Variants in RERE observed in about 807,000 individuals in gnomAD.
The protein encoded by RERE is arginine-glutamic acid dipeptide repeats, also known as arginine-glutamic acid dipeptide repeats protein.
In RERE, 40 loss-of-function variants were observed where a neutral mutation model predicts 146.1. The ratio of observed to expected loss-of-function variants is 0.27; its 90% CI spans 0.21 to 0.36. The LOEUF (loss-of-function observed/expected upper bound fraction) is 0.36. Among genes scored for constraint, RERE ranks in the 10% least tolerant of loss-of-function variants. The probability of loss-of-function intolerance (pLI) is 1.00; values close to 1 mark genes in which losing one functional copy is unlikely to be tolerated. For missense variants in RERE, 1,933 were observed against 2,138.7 expected, an observed-to-expected ratio of 0.90 and a Z score of 1.90; for synonymous variants, 1,003 against 866.0, an observed-to-expected ratio of 1.16 and a Z score of -2.78.
intron 1 of RERE, among the ~76,000 whole-genome samples, chr1:8,700,083 G>A (rs1639414778): frequency 6.6e-6 from 1 of 152,116 alleles, no homozygotes; most frequent in Non-Finnish European, 1.5e-5. Flanking sequence ...GAGGCGAGTG[G>A]ATCACAAGGT....
intron 12 of RERE, among the ~76,000 whole-genome samples, chr1:8,386,251 AAAAAAATT>A (rs1279605156): frequency 2.6e-5 from 4 of 151,192 alleles, no homozygotes; most frequent in African/African-American, 9.7e-5. Context: ...GACCAAAAAT[AAAAAAATT>A]AAAAAATTAC....
intron 7 of RERE, among the ~76,000 whole-genome samples, chr1:8,520,769 A>C (rs867965988): frequency 2.0e-5 from 3 of 150,640 alleles, no homozygotes; most frequent in African/African-American, 7.3e-5. Flanking sequence ...AAAAAAAAAA[A>C]AAAAAAACCA....
intron 10 of RERE, among the ~76,000 whole-genome samples, chr1:8,476,277 T>C (rs897499633): frequency 1.1e-4 from 16 of 152,308 alleles, no homozygotes; most frequent in African/African-American, 3.8e-4. Flanking sequence ...GCCACTTCCC[T>C]AGCAAGTAGC....
At chr1:8,560,261 G>A (rs1646061972) in intron 4 of RERE, among the ~76,000 whole-genome samples, 1 of 152,102 alleles carries the variant, frequency 6.6e-6, no homozygotes, top group Admixed American at 6.5e-5. Flanking sequence ...AGATGCTTAT[G>A]ACATCCCCGG....
intron 1 of RERE, among the ~76,000 whole-genome samples, chr1:8,734,413 C>T (rs1640152813): frequency 6.6e-6 from 1 of 152,162 alleles, no homozygotes; most frequent in Middle Eastern, 3.2e-3. Flanking sequence ...CTGAGAGTTT[C>T]ACTTTATTGC....
At chr1:8,498,732 TACACACACAC>T (rs1553175300) in intron 8 of RERE, among the ~76,000 whole-genome samples, 10 of 107,832 alleles carry the variant, frequency 9.3e-5, no homozygotes, top group South Asian at 6.5e-4. Context: ...AATAAATATA[TACACACACAC>T]ACACACACAC....
intron 8 of RERE, among the ~76,000 whole-genome samples, chr1:8,502,889 G>GCGTGCT (rs897977178): frequency 4.6e-5 from 7 of 150,960 alleles, no homozygotes; most frequent in Middle Eastern, 6.8e-3. Context: ...CTTGAAGGCA[G>GCGTGCT]CGTGCTCGTT....
intron 7 of RERE, among the ~76,000 whole-genome samples, chr1:8,540,690 T>A (rs943100502): frequency 6.6e-6 from 1 of 152,228 alleles, no homozygotes; most frequent in Non-Finnish European, 1.5e-5. Flanking sequence ...AACTGTTACA[T>A]AGATCTTACC....
chr1:8,700,840 G>A (rs1308739719), intron 1 of RERE, among the ~76,000 whole-genome samples: 2 of 152,038 alleles, frequency 1.3e-5, no homozygotes, highest in Non-Finnish European at 2.9e-5. Context: ...ACAATAGCAA[G>A]CAAAACCCTT....
At chr1:8,577,956 T>C (rs1379698050) in intron 4 of RERE, among the ~76,000 whole-genome samples, 3 of 152,136 alleles carry the variant, frequency 2.0e-5, no homozygotes, top group African/African-American at 7.2e-5. Context: ...CCAGGTGCGG[T>C]GGCGGGCGCC....
At chr1:8,649,029 C>A (rs1647465737) in intron 2 of RERE, among the ~76,000 whole-genome samples, 1 of 151,612 alleles carries the variant, frequency 6.6e-6, no homozygotes, top group African/African-American at 2.4e-5. Context: ...CTACCTACAC[C>A]AGAAATAAAG....
At position 8,362,537 on chromosome 1, in the gene RERE, C is replaced by G. The variant is rs1641624747; in HGVS notation, c.1902+146G>C. 5.4e-6 allele frequency: 6 copies of G among 1,119,686 alleles called. No individual in the cohort carries two copies. In the South Asian group the frequency reaches 8.9e-5, roughly 17 times the overall value. The allele number at this position is 1,119,686 out of a possible 1,614,324, so 69.4% of individuals were successfully genotyped here. A position where few individuals can be genotyped will look rare whatever the true frequency, so the allele number is the denominator to read the frequency against. ...GCCCCCAGCCTTCGGTCTGCAGCCC[C>G]TAGGCCAGGACAATGCTGGTGTCCA... On this transcript the variant is annotated intron_variant, in intron 16 of 22. Transcript: ENST00000400908.
intron 1 of RERE, among the ~76,000 whole-genome samples, chr1:8,730,919 A>G (rs895437948): frequency 1.3e-5 from 2 of 152,216 alleles, no homozygotes; most frequent in African/African-American, 4.8e-5. Context: ...TTTTCAGTTC[A>G]GAAGTCATCA....
rs148976452 is a variant in RERE, at chr1:8,611,262, G to A, written c.522+3299C>T. 9.9e-3 allele frequency among the ~76,000 whole-genome samples: 1,501 copies of A among 151,824 alleles called. 20 individuals carry two copies. The highest frequency in any genetic ancestry group is 0.013 in the Non-Finnish European group (891 of 67,942). The stretch of plus-strand genomic sequence containing the variant: ...CTCACACCTGTAATCCCAACACTTT[G>A]GGAAGCCAAGATGAGAGGATCACTT... On this transcript the variant is annotated intron_variant, in intron 4 of 22. Transcript: ENST00000400908.
chr1:8,554,400 G>T (rs1645978920), intron 6 of RERE, among the ~76,000 whole-genome samples: 1 of 151,884 alleles, frequency 6.6e-6, no homozygotes, highest in Admixed American at 6.6e-5. Context: ...AGTATTCCAG[G>T]ATTTGGCTGA....
chr1:8,404,413 G>C (rs2124446861), intron 12 of RERE, among the ~76,000 whole-genome samples: 1 of 151,468 alleles, frequency 6.6e-6, no homozygotes, highest in Middle Eastern at 3.4e-3. Context: ...GTGAGACTCT[G>C]TCTCAAAAAA....
intron 6 of RERE, among the ~76,000 whole-genome samples, chr1:8,548,618 GTA>G (rs1645896137): frequency 6.6e-6 from 1 of 152,180 alleles, no homozygotes; most frequent in Non-Finnish European, 1.5e-5. Flanking sequence ...AAACAAGTAA[GTA>G]TATTTTAGAC....
At chr1:8,565,120 G>C (rs1165921381) in intron 4 of RERE, among the ~76,000 whole-genome samples, 1 of 151,996 alleles carries the variant, frequency 6.6e-6, no homozygotes, top group African/African-American at 2.4e-5. Flanking sequence ...TCTCAGTAAA[G>C]AAGAATAACT....
At chr1:8,539,628 AC>A (rs1398085334) in intron 7 of RERE, among the ~76,000 whole-genome samples, 1 of 151,740 alleles carries the variant, frequency 6.6e-6, no homozygotes, top group African/African-American at 2.4e-5. Flanking sequence ...CTGGTCTTAA[AC>A]TCCTGACCTC....
Sources: allele counts gnomAD v4.1 joint callset (sites outside exome capture counted in the v4.1 genomes callset), GRCh38; gene constraint gnomAD v4.1.1; transcripts MANE v1.5; gene names NCBI Gene and HGNC (gene_info 2026-07-23, HGNC 2026-07-21).